Variants in RPS6KA2 observed in about 807,000 individuals in gnomAD.
RPS6KA2 encodes the protein ribosomal protein S6 kinase alpha-2.
Under a neutral mutation model 91.8 loss-of-function variants are expected in RPS6KA2, and 42 were observed. That is an observed-to-expected ratio of 0.46 (90% CI 0.36 to 0.59). RPS6KA2 has a LOEUF of 0.59. Among genes scored for constraint, RPS6KA2 ranks in the 20% least tolerant of loss-of-function variants. The pLI, the probability that RPS6KA2 is intolerant of heterozygous loss-of-function variation, is 0.00. For synonymous variants in RPS6KA2, 414 were observed against 393.6 expected, an observed-to-expected ratio of 1.05 and a Z score of -0.61; for missense variants, 798 against 978.5, an observed-to-expected ratio of 0.82 and a Z score of 2.46.
chr6:166,520,184 C>A (rs1373319141), intron 3 of RPS6KA2, among the ~76,000 whole-genome samples: 1 of 152,206 alleles, frequency 6.6e-6, no homozygotes, highest in Non-Finnish European at 1.5e-5. Context: ...ACACCAAGTT[C>A]TCAGGACTTC....
chr6:166,780,471 G>A (rs1425739709), intron 2 of RPS6KA2, among the ~76,000 whole-genome samples: 1 of 152,140 alleles, frequency 6.6e-6, no homozygotes, highest in Non-Finnish European at 1.5e-5. Context: ...CTGGACCTGG[G>A]GCTTCTGGCC....
At chr6:166,578,028 T>A (rs1425005635) in intron 1 of RPS6KA2, among the ~76,000 whole-genome samples, 2 of 152,216 alleles carry the variant, frequency 1.3e-5, no homozygotes, top group Non-Finnish European at 2.9e-5. Context: ...CATTTTCTCT[T>A]GCTGCCACCA....
rs142097806 is a variant in RPS6KA2, at chr6:166,810,309, C to T, written c.123+47891G>A. ...GACCATATCAGATGATGTGTGGGTG[C>T]GTGGAATGCTCTGGAATGTGTCACA... On this transcript the variant is annotated intron_variant, in intron 2 of 21. Transcript: ENST00000503859. Among the ~76,000 whole-genome samples the T allele has an allele frequency of 4.6e-5, 7 of 152,138 alleles. No individual in the cohort carries two copies. The East Asian group carries it at 1.4e-3, about 29-fold the overall frequency.
intron 2 of RPS6KA2, among the ~76,000 whole-genome samples, chr6:166,644,259 A>C (rs549109269): frequency 1.3e-5 from 2 of 152,246 alleles, no homozygotes; most frequent in African/African-American, 4.8e-5. Context: ...CTATTCAAAA[A>C]CGAAAAGAAA....
At position 166,471,047 on chromosome 6, in the gene RPS6KA2, G is replaced by T. The variant is rs550181010; in HGVS notation, c.908-1142C>A. Among the ~76,000 whole-genome samples, 3 of 152,246 alleles carry T rather than the reference G, an allele frequency of 2.0e-5. No homozygotes were observed. The East Asian group carries it at 5.8e-4, about 29-fold the overall frequency. On this transcript the variant is annotated intron_variant, in intron 10 of 20. Transcript: ENST00000265678. ...GGCTGGGGAGGGTCTGATCCCTGGGGCCCGGCTCCCCTGTTCTGCAAGCTG... is the reference window on the plus strand; with the variant it reads ...GGCTGGGGAGGGTCTGATCCCTGGGTCCCGGCTCCCCTGTTCTGCAAGCTG...
chr6:166,660,222 A>T (rs1788121514), intron 2 of RPS6KA2, among the ~76,000 whole-genome samples: 1 of 152,174 alleles, frequency 6.6e-6, no homozygotes, highest in African/African-American at 2.4e-5. Context: ...AGAATCCATA[A>T]TTGTACTGCC....
At chr6:166,714,120 C>T (rs754659164) in intron 2 of RPS6KA2, among the ~76,000 whole-genome samples, 12 of 152,334 alleles carry the variant, frequency 7.9e-5, no homozygotes, top group African/African-American at 2.6e-4. Context: ...CCTGTGACTT[C>T]GAGCCTAATC....
In RPS6KA2 at chr6:166,625,015, G is replaced by C. The variant is rs62440508; in HGVS notation, c.99+1906C>G. Among the ~76,000 whole-genome samples, 359 of 152,166 alleles carry C rather than the reference G, an allele frequency of 2.4e-3. 1 individual carries two copies. Among genetic ancestry groups the C allele is most frequent in the Non-Finnish European group, 4.1e-3 (280 of 68,012 alleles). On this transcript the variant is annotated intron_variant, in intron 1 of 20. Coordinates refer to ENST00000265678, the MANE Select transcript of RPS6KA2 (RefSeq NM_021135.6). ...TGCCCAGCTAATTTTTGTATATTTAGTAGAGATGGGGTTTCTCCATGTTGG... is the reference window on the plus strand; with the variant it reads ...TGCCCAGCTAATTTTTGTATATTTACTAGAGATGGGGTTTCTCCATGTTGG...
rs550864132 is a variant in RPS6KA2, at chr6:166,862,256, A to G, written c.-86T>C. ...CTCGGACCGGCACAGGGGGACGGCC[A>G]GACGGGATGTCGGAAGCCAAGGGAC... On this transcript the variant is annotated 5_prime_UTR_variant, in exon 1 of 22. Transcript: ENST00000503859. 9 of 1,602,756 alleles carry G rather than the reference A, an allele frequency of 5.6e-6. No individual in the cohort carries two copies. The East Asian group carries it at 1.8e-4, about 32-fold the overall frequency.
rs1779196337 is a variant in RPS6KA2 at position 166,433,251 on chromosome 6, G to A, written c.1333-761C>T. On this transcript the variant is annotated intron_variant, in intron 14 of 20. Transcript: ENST00000265678. This position sits in a 1 kb window ranked among gnomAD's most constrained non-coding sequence, Gnocchi z 4.4. ...CAAGAGATGCTGGGGATGGTGCGCA[G>A]GCCAGACCTGCCTTGCTGTTTAGAC... 6.6e-6 allele frequency among the ~76,000 whole-genome samples: 1 copy of A among 152,192 alleles called. No homozygotes were observed. The highest frequency in any genetic ancestry group is 2.1e-4 in the South Asian group (1 of 4,830).
At chr6:166,727,556 G>C (rs560921864) in intron 2 of RPS6KA2, among the ~76,000 whole-genome samples, 2 of 151,392 alleles carry the variant, frequency 1.3e-5, no homozygotes, top group Non-Finnish European at 2.9e-5. Context: ...CCTCAGGGAC[G>C]GCACCCAAAG....
At position 166,830,981 on chromosome 6, in the gene RPS6KA2, G is replaced by A. The variant is rs1780169676; in HGVS notation, c.123+27219C>T. On this transcript the variant is annotated intron_variant, in intron 2 of 21. Coordinates refer to the RPS6KA2 transcript ENST00000503859. Reference sequence around the variant, plus strand: ...CCCTTGGGCTGGGTCACACGCTGTGGTTGGGGAGTTTCTTCTGCAACGAAG... The same window carrying A: ...CCCTTGGGCTGGGTCACACGCTGTGATTGGGGAGTTTCTTCTGCAACGAAG... Among the ~76,000 whole-genome samples the A allele has an allele frequency of 3.9e-5, 6 of 152,300 alleles. No homozygotes were observed. The South Asian group carries it at 1.2e-3, about 32-fold the overall frequency.
At chr6:166,504,743 C>G (rs1160641941) in intron 5 of RPS6KA2, 131 bp from the exon 6 acceptor site, 3 of 603,554 alleles carry the variant, frequency 5.0e-6, no homozygotes, top group Non-Finnish European at 8.6e-6. Context: ...AACGCTATGG[C>G]CCCCCAGAGT....
intron 1 of RPS6KA2, among the ~76,000 whole-genome samples, chr6:166,859,077 C>T (rs536471858): frequency 6.6e-6 from 1 of 151,802 alleles, no homozygotes; most frequent in African/African-American, 2.4e-5. Flanking sequence ...GCAGCAGACA[C>T]GCAAAGTGAA....
chr6:166,654,733 T>C (rs1787957340), intron 2 of RPS6KA2, among the ~76,000 whole-genome samples: 1 of 152,260 alleles, frequency 6.6e-6, no homozygotes, highest in South Asian at 2.1e-4. Context: ...TAGTCTGGAC[T>C]GATTTCGTGG....
At chr6:166,764,664 G>A (rs548070673) in intron 2 of RPS6KA2, among the ~76,000 whole-genome samples, 9 of 152,236 alleles carry the variant, frequency 5.9e-5, no homozygotes, top group African/African-American at 2.2e-4. Flanking sequence ...AGGCACAGCC[G>A]GGTGCCCTCA....
chr6:166,482,494 G>A (rs1781261988), intron 10 of RPS6KA2, among the ~76,000 whole-genome samples: 1 of 152,222 alleles, frequency 6.6e-6, no homozygotes. Flanking sequence ...ACAGGTATCT[G>A]TGCTCCGAGG....
intron 1 of RPS6KA2, among the ~76,000 whole-genome samples, chr6:166,598,058 C>A (rs552914453): frequency 4.6e-5 from 7 of 152,338 alleles, no homozygotes; most frequent in South Asian, 4.1e-4. Context: ...TGCACAGAGG[C>A]ATGGTTTGAT....
At chr6:166,817,646 C>A (rs955722574) in intron 2 of RPS6KA2, among the ~76,000 whole-genome samples, 1 of 152,112 alleles carries the variant, frequency 6.6e-6, no homozygotes, top group Non-Finnish European at 1.5e-5. Context: ...CCAGTTGTTA[C>A]AATTGTGCAT....
Sources: gnomAD v4.1 joint callset for allele counts (sites outside exome capture counted in the v4.1 genomes callset) on GRCh38, gnomAD v4.1.1 for gene constraint, Gnocchi (gnomAD v3.1) non-coding constraint, MANE v1.5 for transcripts, NCBI Gene and HGNC (gene_info 2026-07-23, HGNC 2026-07-21) for gene names.